Variants in C19orf18 observed in about 807,000 individuals in gnomAD.
C19orf18 encodes the protein chromosome 19 open reading frame 18.
A neutral mutation model predicts 23.3 loss-of-function variants in C19orf18; 21 were observed. That is an observed-to-expected ratio of 0.90 (90% confidence interval 0.64 to 1.30). The LOEUF is 1.30. Among genes scored for constraint, C19orf18 ranks in the 50% most tolerant of loss-of-function variants. C19orf18 has a pLI of 0.00. For synonymous variants in C19orf18, 96 were observed against 95.2 expected (o/e 1.01, Z -0.05); for missense variants, 249 against 259.6 (o/e 0.96, Z 0.28).
At chr19:57,964,970 G>T (rs1391530023) in intron 4 of C19orf18, among the ~76,000 whole-genome samples, 1 of 151,986 alleles carries the variant, frequency 6.6e-6, no homozygotes, top group East Asian at 1.9e-4. Context: ...TTGACCCCAA[G>T]CTTTATTTGC....
At chr19:57,968,533 TTTTG>T (rs1555787405) in intron 3 of C19orf18, among the ~76,000 whole-genome samples, 2 of 152,060 alleles carry the variant, frequency 1.3e-5, no homozygotes, top group Non-Finnish European at 2.9e-5. Context: ...ACTGCTTGTA[TTTTG>T]TTTGTGAAGG....
intron 4 of C19orf18, among the ~76,000 whole-genome samples, chr19:57,965,769 G>GA (rs2072903203): frequency 6.6e-6 from 1 of 151,770 alleles, no homozygotes; most frequent in Admixed American, 6.6e-5. Flanking sequence ...AAAAAAAGTA[G>GA]AAAAAATAAA....
rs1048017685 is a variant in C19orf18, at chr19:57,966,686, C to T, written c.269-54G>A. The T allele has an allele frequency of 1.1e-5, 13 of 1,235,432 alleles. No individual in the cohort carries two copies. The African/African-American group carries it at 1.6e-4, about 16-fold the overall frequency. 76.5% of individuals were successfully genotyped at this position (1,235,432 alleles called of 1,614,324 possible). On this transcript the variant is annotated intron_variant, in intron 3 of 5. Coordinates refer to ENST00000314391, the MANE Select transcript of C19orf18 (RefSeq NM_152474.5). ...TCAAAAATGTTCATTTTAGCTATGT[C>T]TTTCAGTTAATATATTTGTCCTTAC...
At position 57,966,613 on chromosome 19, in the gene C19orf18, AGG is replaced by A; in HGVS notation, c.286_287del (p.Pro96CysfsTer4). ...AAATTAAAATTACTTTAACAAGAGC[AGG>A]TCTATGCCGAATTATTGCTAAAAAG... ...LRNKAIIRHR[P>X]ALVKVILISS... On this transcript the variant is annotated frameshift_variant, in exon 4 of 6. Coordinates refer to ENST00000314391, the MANE Select transcript of C19orf18 (RefSeq NM_152474.5). LOFTEE classifies it high-confidence loss of function. The A allele has an allele frequency of 6.2e-7, 1 of 1,612,192 alleles. No homozygotes were observed. The highest frequency in any genetic ancestry group is 8.5e-7 in the Non-Finnish European group (1 of 1,178,552).
chr19:57,972,328 C>T, intron 3 of C19orf18, 135 bp downstream of exon 3: 1 of 1,029,258 alleles, frequency 9.7e-7, no homozygotes, highest in Non-Finnish European at 1.4e-6. Context: ...CCAGAGGGGG[C>T]ACCTTGTCTA....
intron 3 of C19orf18, among the ~76,000 whole-genome samples, chr19:57,968,254 G>A (rs566561837): frequency 1.3e-5 from 2 of 152,186 alleles, no homozygotes; most frequent in Admixed American, 6.5e-5. Context: ...CCTCAAGACC[G>A]CATCACCTCC....
rs777896902 is a variant in C19orf18, at chr19:57,974,130, AG to A, written c.194del (p.Pro65LeufsTer19). On this transcript the variant is annotated frameshift_variant, in exon 2 of 6. Transcript: ENST00000314391. LOFTEE classifies it high-confidence loss of function. ...PKVFFHKTQL[P>X]GIQGAASRST... ...ATCTCGAGGCAGCCCCTTGAATCCC[AG>A]GCAACTGGGTTTTATGAAAGAACAC... 5.6e-6 allele frequency: 9 copies of A among 1,613,986 alleles called. No individual in the cohort carries two copies. Among genetic ancestry groups the A allele is most frequent in the Non-Finnish European group, 5.9e-6 (7 of 1,180,020 alleles).
intron 5 of C19orf18, among the ~76,000 whole-genome samples, chr19:57,960,141 T>C (rs1209949174): frequency 6.7e-6 from 1 of 150,170 alleles, no homozygotes; most frequent in African/African-American, 2.5e-5. Context: ...AAATAAATTC[T>C]ACAGGCGGGG....
At chr19:57,966,668 T>G in intron 3 of C19orf18, 36 bp from the exon 4 acceptor site, 1 of 1,455,104 alleles carries the variant, frequency 6.9e-7, no homozygotes, top group African/African-American at 1.4e-5. Flanking sequence ...TGCTCAAAAA[T>G]GTTCATTTTA....
At chr19:57,960,682 A>T (rs1481493681) in intron 5 of C19orf18, among the ~76,000 whole-genome samples, 4 of 152,116 alleles carry the variant, frequency 2.6e-5, no homozygotes, top group Admixed American at 2.6e-4. Flanking sequence ...TGTTTAACGG[A>T]AACATGTTTT....
At chr19:57,966,421 C>T (rs1055454906) in intron 4 of C19orf18, 109 bp downstream of exon 4, 1 of 712,030 alleles carries the variant, frequency 1.4e-6, no homozygotes, top group East Asian at 2.7e-5. Context: ...ATGACCAATA[C>T]TTTAGCAATT....
chr19:57,963,485 C>G lies in C19orf18; in HGVS notation c.372-1934G>C, dbSNP rs1349172219. ...AAGGAAAGGTGTGAGTCCCTATACA[C>G]GTTTTAATGTATTTTTAAATGCTTA... On this transcript the variant is annotated intron_variant, in intron 4 of 5. Transcript: ENST00000314391. 2.6e-5 allele frequency among the ~76,000 whole-genome samples: 4 copies of G among 152,206 alleles called. No homozygotes were observed. The East Asian group carries it at 7.7e-4, about 29-fold the overall frequency.
At chr19:57,966,423 T>G in intron 4 of C19orf18, 107 bp downstream of exon 4, 1 of 726,240 alleles carries the variant, frequency 1.4e-6, no homozygotes, top group East Asian at 2.7e-5. Flanking sequence ...GACCAATACT[T>G]TAGCAATTAT....
intron 2 of C19orf18, 31 bp from the exon 3 acceptor site, chr19:57,972,535 A>G (rs771152908): frequency 2.9e-5 from 47 of 1,610,244 alleles, no homozygotes; most frequent in Non-Finnish European, 3.8e-5. Flanking sequence ...ATCAAAAAGA[A>G]GAGACTTTAA....
intron 3 of C19orf18, among the ~76,000 whole-genome samples, chr19:57,970,717 G>A (rs923978592): frequency 2.6e-5 from 4 of 151,780 alleles, no homozygotes; most frequent in Non-Finnish European, 5.9e-5. Flanking sequence ...CCTCCACCAT[G>A]CCCAGCTAAT....
intron 5 of C19orf18, 106 bp downstream of exon 5, chr19:57,961,285 A>C: frequency 1.7e-6 from 2 of 1,177,696 alleles, no homozygotes; most frequent in Non-Finnish European, 2.4e-6. Context: ...AAAGGAAAGA[A>C]AGAAAGAAAA....
At chr19:57,961,647 G>A (rs2072872892) in intron 4 of C19orf18, 96 bp from the exon 5 acceptor site, 2 of 1,357,340 alleles carry the variant, frequency 1.5e-6, no homozygotes, top group Middle Eastern at 2.2e-4. Context: ...GGAGTCGCTT[G>A]TGGAGTGGGT....
At chr19:57,972,544 A>G in intron 2 of C19orf18, 40 bp from the exon 3 acceptor site, 4 of 1,596,584 alleles carry the variant, frequency 2.5e-6, no homozygotes, top group Non-Finnish European at 3.4e-6. Flanking sequence ...AAGAGACTTT[A>G]AGATGGTTTA....
At chr19:57,966,365 A>G (rs767165733) in intron 4 of C19orf18, among the ~76,000 whole-genome samples, 165 bp downstream of exon 4, 1 of 152,014 alleles carries the variant, frequency 6.6e-6, no homozygotes, top group African/African-American at 2.4e-5. Context: ...ATGCCTCAAC[A>G]TGAGTACAAT....
Sources: allele counts gnomAD v4.1 joint callset (sites outside exome capture counted in the v4.1 genomes callset), GRCh38; gene constraint gnomAD v4.1.1; transcripts MANE v1.5; gene names NCBI Gene and HGNC (gene_info 2026-07-23, HGNC 2026-07-21).